The following CCSER1 variants were observed in gnomAD, a reference collection of about 807,000 sequenced individuals.
CCSER1 encodes serine-rich coiled-coil domain-containing protein 1.
Under a neutral mutation model 82.0 loss-of-function variants are expected in CCSER1, and 41 were observed. That is an observed-to-expected ratio of 0.50 (90% CI 0.39 to 0.65). The LOEUF (loss-of-function observed/expected upper bound fraction) is 0.65. CCSER1 is among the 30% of genes least tolerant of loss of function. The pLI, the probability that CCSER1 is intolerant of heterozygous loss-of-function variation, is 0.00. For synonymous variants in CCSER1, 414 were observed against 383.9 expected (o/e 1.08, Z -0.92); for missense variants, 1,119 against 1,064.2 (o/e 1.05, Z -0.72).
chr4:91,297,668 C>G (rs73835126), intron 10 of CCSER1, among the ~76,000 whole-genome samples: 5,320 of 151,858 alleles, frequency 0.035, 188 homozygotes, highest in African/African-American at 0.084. Flanking sequence ...GTAAAATCAC[C>G]TAGATGACAG....
At chr4:90,982,248 CAGAA>C (rs1377567912) in intron 9 of CCSER1, among the ~76,000 whole-genome samples, 9 of 151,806 alleles carry the variant, frequency 5.9e-5, no homozygotes, top group Admixed American at 2.0e-4. Context: ...CATCACATGA[CAGAA>C]AGAGTGAGCT....
intron 5 of CCSER1, among the ~76,000 whole-genome samples, chr4:90,510,366 T>A (rs1250004901): frequency 6.6e-6 from 1 of 152,248 alleles, no homozygotes; most frequent in African/African-American, 2.4e-5. Flanking sequence ...TGAAATGTAA[T>A]AATTGGCATT....
chr4:90,600,822 C>G (rs534869687), intron 5 of CCSER1, among the ~76,000 whole-genome samples: 9 of 151,790 alleles, frequency 5.9e-5, no homozygotes, highest in African/African-American at 2.2e-4. Context: ...TTTATCTTGG[C>G]AATATTTAGT....
At chr4:91,446,722 TA>T (rs1373631437) in intron 10 of CCSER1, among the ~76,000 whole-genome samples, 7 of 148,186 alleles carry the variant, frequency 4.7e-5, no homozygotes, top group African/African-American at 1.7e-4. Context: ...TACTTGATAT[TA>T]TTTTTAAATA....
chr4:91,266,180 G>C (rs1741555708), intron 10 of CCSER1, among the ~76,000 whole-genome samples: 1 of 152,074 alleles, frequency 6.6e-6, no homozygotes, highest in African/African-American at 2.4e-5. Context: ...AACCATGTAA[G>C]ATTGTTTTGC....
At chr4:91,500,079 G>T (rs1017521710) in intron 10 of CCSER1, among the ~76,000 whole-genome samples, 3 of 152,012 alleles carry the variant, frequency 2.0e-5, no homozygotes, top group African/African-American at 4.8e-5. Flanking sequence ...GTGCCATTTT[G>T]TATTTACACC....
chr4:91,513,869 G>A (rs1431380820), intron 10 of CCSER1, among the ~76,000 whole-genome samples: 1 of 151,774 alleles, frequency 6.6e-6, no homozygotes, highest in East Asian at 1.9e-4. Flanking sequence ...CAAGTAGCTA[G>A]CAGTCTATCA....
intron 8 of CCSER1, among the ~76,000 whole-genome samples, chr4:90,896,971 T>C (rs1232483150): frequency 6.6e-6 from 1 of 151,972 alleles, no homozygotes; most frequent in Admixed American, 6.6e-5. Context: ...GATTCACATG[T>C]AAAGAAAGGA....
intron 6 of CCSER1, among the ~76,000 whole-genome samples, chr4:90,664,856 C>T (rs567309347): frequency 2.0e-5 from 3 of 152,292 alleles, no homozygotes; most frequent in South Asian, 4.1e-4. Context: ...GCCGAGATCA[C>T]ACCATTGCAC....
chr4:91,082,618 T>C (rs1393658464), intron 9 of CCSER1, among the ~76,000 whole-genome samples: 3 of 151,920 alleles, frequency 2.0e-5, no homozygotes, highest in Non-Finnish European at 2.9e-5. Flanking sequence ...TCAGAGTGAA[T>C]AGGCAACCTA....
In CCSER1 at chr4:91,046,863, G is replaced by A. The variant is rs548404751; in HGVS notation, c.2173-39087G>A. ...CTCCCGAGTAGCTGGGACTACAGATGTAAACAAACATGCCCAGCTAATTTT... is the reference window on the plus strand; with the variant it reads ...CTCCCGAGTAGCTGGGACTACAGATATAAACAAACATGCCCAGCTAATTTT... On this transcript the variant is annotated intron_variant, in intron 9 of 10. Coordinates refer to ENST00000509176, the MANE Select transcript of CCSER1 (RefSeq NM_001145065.2). 9.7e-4 allele frequency among the ~76,000 whole-genome samples: 147 copies of A among 151,992 alleles called. 1 individual carries two copies. Among genetic ancestry groups the A allele is most frequent in the African/African-American group, 3.3e-3 (135 of 41,462 alleles).
intron 9 of CCSER1, among the ~76,000 whole-genome samples, chr4:90,929,155 A>G (rs983288524): frequency 3.3e-5 from 5 of 152,138 alleles, no homozygotes; most frequent in Non-Finnish European, 5.9e-5. Flanking sequence ...CTCATTGTAT[A>G]TCAGCGTATC....
chr4:91,472,655 A>C (rs1036876206), intron 10 of CCSER1, among the ~76,000 whole-genome samples: 1 of 152,208 alleles, frequency 6.6e-6, no homozygotes, highest in Admixed American at 6.5e-5. Context: ...ACTAGTACCA[A>C]GACAGTTTCA....
chr4:91,555,208 T>A lies in CCSER1; in HGVS notation c.2218-43364T>A, dbSNP rs1762344023. 2.0e-5 allele frequency among the ~76,000 whole-genome samples: 3 copies of A among 151,098 alleles called. 1 individual carries two copies. The highest frequency in any genetic ancestry group is 4.9e-5 in the African/African-American group (2 of 41,130). Reference sequence around the variant, plus strand: ...TGCTGGTTGACCTCAAATTCACTATTTTTCTCTTTGTAAATTGGCCCAGAC... The same window carrying A: ...TGCTGGTTGACCTCAAATTCACTATATTTCTCTTTGTAAATTGGCCCAGAC... On this transcript the variant is annotated intron_variant, in intron 10 of 10. Transcript: ENST00000509176.
chr4:91,553,728 T>C (rs1290865437), intron 10 of CCSER1, among the ~76,000 whole-genome samples: 1 of 151,252 alleles, frequency 6.6e-6, no homozygotes, highest in African/African-American at 2.4e-5. Context: ...TATAGTAGCC[T>C]CATAATCTTT....
intron 3 of CCSER1, among the ~76,000 whole-genome samples, chr4:90,348,326 A>G (rs1349019369): frequency 2.0e-5 from 3 of 152,226 alleles, no homozygotes; most frequent in African/African-American, 7.2e-5. Context: ...CTACTCTCAT[A>G]AAATATTTCA....
At chr4:90,252,823 TACTA>T (rs1255545583) in intron 1 of CCSER1, among the ~76,000 whole-genome samples, 1 of 151,992 alleles carries the variant, frequency 6.6e-6, no homozygotes, top group East Asian at 1.9e-4. Flanking sequence ...TGTCTATTTC[TACTA>T]ACTTTTAAAT....
chr4:90,466,303 A>G (rs28673811), intron 4 of CCSER1, among the ~76,000 whole-genome samples: 3,080 of 152,354 alleles, frequency 0.02, 54 homozygotes, highest in African/African-American at 0.047. Context: ...GAGGGCTTCA[A>G]TGTGAAGGAT....
At chr4:90,698,761 G>A (rs1398071585) in intron 6 of CCSER1, among the ~76,000 whole-genome samples, 1 of 152,126 alleles carries the variant, frequency 6.6e-6, no homozygotes, top group African/African-American at 2.4e-5. Flanking sequence ...TATTACACAT[G>A]AAAAACTAGC....
Sources: gnomAD v4.1 joint callset for allele counts (sites outside exome capture counted in the v4.1 genomes callset) on GRCh38, gnomAD v4.1.1 for gene constraint, MANE v1.5 for transcripts, NCBI Gene and HGNC (gene_info 2026-07-23, HGNC 2026-07-21) for gene names.